Variants in ZNF385D observed in about 807,000 individuals in gnomAD.
The protein encoded by ZNF385D is zinc finger protein 659.
A neutral mutation model predicts 35.8 loss-of-function variants in ZNF385D; 15 were observed. The ratio of observed to expected loss-of-function variants is 0.42; its 90% confidence interval spans 0.28 to 0.64. The LOEUF is 0.64. Among genes scored for constraint, ZNF385D ranks in the 30% least tolerant of loss-of-function variants. The pLI, the probability that ZNF385D is intolerant of heterozygous loss-of-function variation, is 0.23. For missense variants in ZNF385D, 474 were observed against 494.6 expected (o/e 0.96, Z 0.39); for synonymous variants, 212 against 186.8 (o/e 1.13, Z -1.10).
chr3:21,860,608 G>C (rs915083995), intron 3 of ZNF385D, among the ~76,000 whole-genome samples: 6 of 152,110 alleles, frequency 3.9e-5, no homozygotes, highest in Non-Finnish European at 7.4e-5. Context: ...AACAGATCAA[G>C]CATCCTGACT....
chr3:21,435,351 A>T (rs1016603099), intron 5 of ZNF385D, among the ~76,000 whole-genome samples: 1 of 143,286 alleles, frequency 7.0e-6, no homozygotes, highest in Non-Finnish European at 1.5e-5. Flanking sequence ...TCAACCTCCT[A>T]GGTTCAAGAG....
intron 2 of ZNF385D, among the ~76,000 whole-genome samples, chr3:22,195,820 C>A (rs146754832): frequency 6.6e-6 from 1 of 151,954 alleles, no homozygotes; most frequent in Non-Finnish European, 1.5e-5. Flanking sequence ...TATACATATA[C>A]ACCATGAAAT....
chr3:22,068,173 CTTCT>C (rs1407034236), intron 3 of ZNF385D, among the ~76,000 whole-genome samples: 5 of 152,148 alleles, frequency 3.3e-5, no homozygotes, highest in East Asian at 1.9e-4. Flanking sequence ...CTTACTTTAT[CTTCT>C]TTATTAGTTG....
intron 3 of ZNF385D, among the ~76,000 whole-genome samples, chr3:22,122,382 C>T (rs1474770539): frequency 6.6e-6 from 1 of 152,000 alleles, no homozygotes; most frequent in Non-Finnish European, 1.5e-5. Context: ...AGTTGTGGAT[C>T]TCATTTCCCA....
At chr3:22,090,862 A>C (rs1330184217) in intron 3 of ZNF385D, among the ~76,000 whole-genome samples, 3 of 152,144 alleles carry the variant, frequency 2.0e-5, no homozygotes, top group African/African-American at 7.2e-5. Flanking sequence ...CAAATCTTGT[A>C]ATAACCTCAC....
At chr3:21,796,194 G>A (rs1056989249) in intron 3 of ZNF385D, among the ~76,000 whole-genome samples, 3 of 152,122 alleles carry the variant, frequency 2.0e-5, no homozygotes, top group African/African-American at 7.2e-5. Flanking sequence ...CCTCACTGCT[G>A]CAGTAACTAA....
At chr3:22,030,293 A>ATATATATATATATATGTATG (rs1697903891) in intron 3 of ZNF385D, among the ~76,000 whole-genome samples, 1 of 97,084 alleles carries the variant, frequency 1.0e-5, no homozygotes, top group African/African-American at 5.2e-5. Flanking sequence ...ATATATATAT[A>ATATATATATATATATGTATG]TATATATATC....
intron 2 of ZNF385D, among the ~76,000 whole-genome samples, chr3:22,272,885 C>T (rs1391404715): frequency 6.6e-6 from 1 of 151,896 alleles, no homozygotes; most frequent in African/African-American, 2.4e-5. Flanking sequence ...CAATATTTTA[C>T]TTGTGGGTTA....
rs374988027 is a variant in ZNF385D at position 22,051,009 on chromosome 3, T to C, written c.325+117808A>G. Among the ~76,000 whole-genome samples, 12 of 42,484 alleles carry C rather than the reference T, an allele frequency of 2.8e-4. 2 individuals are homozygous for C. The South Asian group carries it at 0.019, about 67-fold the overall frequency. 27.9% of individuals were successfully genotyped at this position (42,484 alleles called of 152,430 possible). ...GGTGGAGAGTTCTGTAGATGTCTAT[T>C]AGGTCTGCTTGGTGCAGAGCTGAGT... On this transcript the variant is annotated intron_variant, in intron 3 of 5. Coordinates refer to the ZNF385D transcript ENST00000494108.
At chr3:21,454,716 A>G (rs1371206366) in intron 4 of ZNF385D, among the ~76,000 whole-genome samples, 1 of 152,174 alleles carries the variant, frequency 6.6e-6, no homozygotes, top group East Asian at 1.9e-4. Flanking sequence ...CCTATTCAAC[A>G]TAGTGTTGGA....
chr3:22,157,843 A>C (rs1705691498), intron 3 of ZNF385D, among the ~76,000 whole-genome samples: 1 of 152,174 alleles, frequency 6.6e-6, no homozygotes, highest in South Asian at 2.1e-4. Flanking sequence ...TACCTGATAC[A>C]AGTAGTTGTA....
At chr3:21,725,316 A>G (rs979051057) in intron 1 of ZNF385D, among the ~76,000 whole-genome samples, 2 of 152,230 alleles carry the variant, frequency 1.3e-5, no homozygotes, top group Admixed American at 6.5e-5. Flanking sequence ...AGCAGAAGGC[A>G]AGAAATAACT....
intron 3 of ZNF385D, among the ~76,000 whole-genome samples, chr3:21,988,112 G>C (rs1201687543): frequency 4.5e-4 from 57 of 127,510 alleles, no homozygotes; most frequent in African/African-American, 1.6e-3. Context: ...CCTTTGGTTT[G>C]AATGTCCTCC....
At chr3:22,355,132 T>C (rs1186741758) in intron 2 of ZNF385D, among the ~76,000 whole-genome samples, 2 of 152,080 alleles carry the variant, frequency 1.3e-5, no homozygotes, top group African/African-American at 2.4e-5. Context: ...ATATCATGTA[T>C]CATGTTGTTG....
intron 3 of ZNF385D, among the ~76,000 whole-genome samples, chr3:22,123,962 C>CTCTCTATATATATA (rs1491571691): frequency 1.6e-5 from 1 of 61,848 alleles, no homozygotes; most frequent in Non-Finnish European, 3.1e-5. Context: ...CTCTCTCTCT[C>CTCTCTATATATATA]TATATATATA....
chr3:21,722,572 C>A (rs2068587778), intron 1 of ZNF385D, among the ~76,000 whole-genome samples: 2 of 152,220 alleles, frequency 1.3e-5, no homozygotes, highest in South Asian at 4.1e-4. Context: ...GGCGTGGGCG[C>A]CACAGTGCCT....
At chr3:22,124,681 A>G (rs1046656837) in intron 3 of ZNF385D, among the ~76,000 whole-genome samples, 1 of 152,164 alleles carries the variant, frequency 6.6e-6, no homozygotes, top group Non-Finnish European at 1.5e-5. Flanking sequence ...GATGCTGATC[A>G]TATTTTCATA....
At chr3:21,974,873 A>C (rs779781555) in intron 3 of ZNF385D, among the ~76,000 whole-genome samples, 3 of 152,192 alleles carry the variant, frequency 2.0e-5, no homozygotes, top group Non-Finnish European at 2.9e-5. Flanking sequence ...CTGAGATATC[A>C]TCTTATCCCA....
intron 3 of ZNF385D, among the ~76,000 whole-genome samples, chr3:22,024,483 C>A (rs898934688): frequency 4.6e-5 from 7 of 151,734 alleles, no homozygotes; most frequent in East Asian, 1.9e-4. Context: ...TGATTAGACT[C>A]AAAAATGCTA....
Sources: gnomAD v4.1 joint callset for allele counts (sites outside exome capture counted in the v4.1 genomes callset) on GRCh38, gnomAD v4.1.1 for gene constraint, MANE v1.5 for transcripts, NCBI Gene and HGNC (gene_info 2026-07-23, HGNC 2026-07-21) for gene names.